The following DOCK3 variants were observed in gnomAD, a reference collection of about 807,000 sequenced individuals.
DOCK3 encodes dedicator of cytokinesis protein 3.
A neutral mutation model predicts 265.6 loss-of-function variants in DOCK3; 60 were observed. The observed-to-expected ratio is 0.23, with a 90% CI of 0.18 to 0.28. The LOEUF (loss-of-function observed/expected upper bound fraction) is 0.28. Among genes scored for constraint, DOCK3 ranks in the 10% least tolerant of loss-of-function variants. DOCK3 has a pLI of 1.00. For synonymous variants in DOCK3, 881 were observed against 938.0 expected, an observed-to-expected ratio of 0.94 and a Z score of 1.11; for missense variants, 1,981 against 2,594.3, an observed-to-expected ratio of 0.76 and a Z score of 5.14.
intron 1 of DOCK3, among the ~76,000 whole-genome samples, chr3:50,723,162 TG>T: frequency 6.6e-6 from 1 of 152,248 alleles, no homozygotes; most frequent in Middle Eastern, 3.4e-3. Context: ...ATTCATTTGG[TG>T]GTCTTGCAGA....
intron 32 of DOCK3, among the ~76,000 whole-genome samples, chr3:51,329,408 C>T (rs904341550): frequency 1.3e-5 from 2 of 152,100 alleles, no homozygotes; most frequent in Non-Finnish European, 2.9e-5. Flanking sequence ...CAATCAAGCA[C>T]GGGTATCCCC....
At chr3:51,368,255 G>A (rs558936973) in intron 49 of DOCK3, among the ~76,000 whole-genome samples, 7 of 152,300 alleles carry the variant, frequency 4.6e-5, no homozygotes, top group African/African-American at 1.7e-4. Context: ...GCAGGGCGGG[G>A]CATTGCCTCA....
intron 4 of DOCK3, among the ~76,000 whole-genome samples, chr3:50,928,163 T>C (rs1463713319): frequency 6.7e-6 from 1 of 149,736 alleles, no homozygotes; most frequent in Non-Finnish European, 1.5e-5. Flanking sequence ...ATAATAAAGT[T>C]TACCATTTCA....
intron 5 of DOCK3, among the ~76,000 whole-genome samples, chr3:51,029,640 G>A (rs2079966463): frequency 6.6e-6 from 1 of 152,198 alleles, no homozygotes; most frequent in Non-Finnish European, 1.5e-5. Flanking sequence ...TTGGTGTGCT[G>A]CCCTCCTCCT....
intron 32 of DOCK3, among the ~76,000 whole-genome samples, chr3:51,317,765 A>G (rs2083455350): frequency 6.6e-6 from 1 of 151,886 alleles, no homozygotes; most frequent in Admixed American, 6.6e-5. Context: ...ATTGTACTCT[A>G]TAAATAGATA....
Position 51,357,817 on chromosome 3 carries a change from G to A in DOCK3, c.4743G>A (p.Gln1581=). Residue 1581 remains glutamine (Q), a synonymous_variant, in exon 45 of 53, where the codon CAG becomes CAA. Transcript: ENST00000266037. ...CAGGAGATGCTGAGAAGATCACCCA[G>A]CTCAAGGAGCTTATGCAGGAGCAGG... The part of the protein sequence containing the change: ...KHPGDAEKIT[Q]LKELMQEQVH... 2 of 1,614,008 alleles carry A rather than the reference G, an allele frequency of 1.2e-6. No homozygotes were observed. The highest frequency in any genetic ancestry group is 3.3e-4 in the Middle Eastern group (2 of 6,062).
chr3:50,911,054 T>C (rs1228962284), intron 4 of DOCK3, among the ~76,000 whole-genome samples: 1 of 152,010 alleles, frequency 6.6e-6, no homozygotes, highest in Non-Finnish European at 1.5e-5. Flanking sequence ...TATATGGTGG[T>C]TATTAATCCT....
rs76620284 is a variant in DOCK3 at position 50,857,433 on chromosome 3, A to C, written c.162+15718A>C. On this transcript the variant is annotated intron_variant, in intron 3 of 52. Transcript: ENST00000266037. ...TTTTCAAAAATTATTTATTTCCTTT[A>C]GTTTGTGCACAGAAACTAAAGAGCT... is the stretch of plus-strand genomic sequence containing the variant. Among the ~76,000 whole-genome samples, 509 of 152,206 alleles carry C rather than the reference A, an allele frequency of 3.3e-3. 2 individuals carry two copies. The highest frequency in any genetic ancestry group is 6.8e-3 in the Middle Eastern group (2 of 294).
At chr3:50,871,700 T>C (rs1195678962) in intron 3 of DOCK3, among the ~76,000 whole-genome samples, 2 of 152,164 alleles carry the variant, frequency 1.3e-5, no homozygotes, top group African/African-American at 4.8e-5. Flanking sequence ...ATCTTGCTTG[T>C]TTTTTATTCT....
intron 9 of DOCK3, among the ~76,000 whole-genome samples, chr3:51,123,937 T>G (rs1416577204): frequency 1.3e-5 from 2 of 152,188 alleles, no homozygotes; most frequent in African/African-American, 4.8e-5. Context: ...ATGTTAACTC[T>G]TTTCTGTGCC....
At position 51,194,634 on chromosome 3, in the gene DOCK3, G is replaced by T. The variant is rs200936348; in HGVS notation, c.1038-14140G>T. ...GAATTTTTTATCATCTTGCTGGATT[G>T]ATCCCTTTATCATTATATAATGACC... On this transcript the variant is annotated intron_variant, in intron 12 of 52. Transcript: ENST00000266037. Among the ~76,000 whole-genome samples, 29 of 152,058 alleles carry T rather than the reference G, an allele frequency of 1.9e-4. No individual in the cohort carries two copies. In the East Asian group the frequency reaches 4.2e-3, roughly 22 times the overall value.
At chr3:51,339,393 T>G (rs753672362) in intron 37 of DOCK3, among the ~76,000 whole-genome samples, 7 of 152,190 alleles carry the variant, frequency 4.6e-5, no homozygotes, top group Non-Finnish European at 5.9e-5. Flanking sequence ...TTTTTAGGAC[T>G]TTCAAAGCTG....
intron 2 of DOCK3, among the ~76,000 whole-genome samples, chr3:50,813,288 C>T (rs1344180003): frequency 3.3e-5 from 5 of 152,158 alleles, no homozygotes; most frequent in Non-Finnish European, 5.9e-5. Flanking sequence ...AATCCTAGCA[C>T]TTTGGCACAC....
At chr3:51,005,332 C>G (rs1048292118) in intron 5 of DOCK3, among the ~76,000 whole-genome samples, 2 of 152,010 alleles carry the variant, frequency 1.3e-5, no homozygotes, top group African/African-American at 4.8e-5. Flanking sequence ...TGGTGATGCC[C>G]CCAAACTTAA....
intron 5 of DOCK3, among the ~76,000 whole-genome samples, chr3:50,949,904 A>AT (rs1296704610): frequency 6.6e-6 from 1 of 151,096 alleles, no homozygotes; most frequent in Non-Finnish European, 1.5e-5. Flanking sequence ...TTATAGTTTT[A>AT]TTTTTTATTT....
intron 5 of DOCK3, among the ~76,000 whole-genome samples, chr3:50,953,960 A>G (rs762853551): frequency 3.3e-5 from 5 of 152,122 alleles, no homozygotes; most frequent in African/African-American, 7.2e-5. Flanking sequence ...CATTTCAACT[A>G]TCATTAAGTG....
intron 1 of DOCK3, among the ~76,000 whole-genome samples, chr3:50,771,723 C>T (rs979823563): frequency 3.9e-5 from 6 of 151,984 alleles, no homozygotes; most frequent in Admixed American, 3.3e-4. Context: ...TGGTGGCGGG[C>T]GCCTGTAGTC....
At chr3:51,178,219 A>G (rs1460810077) in intron 12 of DOCK3, among the ~76,000 whole-genome samples, 6 of 152,190 alleles carry the variant, frequency 3.9e-5, no homozygotes, top group Non-Finnish European at 7.3e-5. Context: ...TCATGTCAGG[A>G]GTATCAGGGT....
intron 1 of DOCK3, among the ~76,000 whole-genome samples, chr3:50,690,606 T>C (rs1038197278): frequency 6.6e-6 from 1 of 151,930 alleles, no homozygotes; most frequent in African/African-American, 2.4e-5. Context: ...CTGTTCTACA[T>C]TCATTCATTC....
Sources: gnomAD v4.1 joint callset for allele counts (sites outside exome capture counted in the v4.1 genomes callset) on GRCh38, gnomAD v4.1.1 for gene constraint, MANE v1.5 for transcripts, NCBI Gene and HGNC (gene_info 2026-07-23, HGNC 2026-07-21) for gene names.